The following CDH2 variants were observed in gnomAD, a reference collection of about 807,000 sequenced individuals.
CDH2 encodes cadherin-2.
A neutral mutation model predicts 92.0 loss-of-function variants in CDH2; 17 were observed. The observed-to-expected ratio is 0.18, with a 90% CI of 0.13 to 0.28. The LOEUF is 0.28. CDH2 is among the 10% of genes least tolerant of loss of function. The pLI is 1.00. For synonymous variants in CDH2, 419 were observed against 415.9 expected (o/e 1.01, Z -0.09); for missense variants, 862 against 1,133.1 (o/e 0.76, Z 3.44).
At chr18:28,041,699 C>G (rs2013951039) in intron 2 of CDH2, among the ~76,000 whole-genome samples, 1 of 152,106 alleles carries the variant, frequency 6.6e-6, no homozygotes, top group Admixed American at 6.5e-5. Context: ...ATGGGCCTGC[C>G]TCAACATTGT....
intron 2 of CDH2, among the ~76,000 whole-genome samples, chr18:28,042,845 G>A (rs889380679): frequency 3.9e-5 from 6 of 152,168 alleles, no homozygotes; most frequent in African/African-American, 1.2e-4. Flanking sequence ...TGGAAACTAG[G>A]CCTCATACAG....
chr18:28,009,910 T>C (rs148092501), intron 4 of CDH2, 38 bp from the exon 5 acceptor site: 1 of 1,541,120 alleles, frequency 6.5e-7, no homozygotes, highest in Admixed American at 1.8e-5. Flanking sequence ...AGTGAGAGAC[T>C]AAATGAGCTC....
At chr18:28,001,874 T>G (rs2012777627) in intron 7 of CDH2, among the ~76,000 whole-genome samples, 1 of 152,216 alleles carries the variant, frequency 6.6e-6, no homozygotes, top group Non-Finnish European at 1.5e-5. Context: ...GCAAATAAAG[T>G]GTCAAAAAAC....
intron 11 of CDH2, among the ~76,000 whole-genome samples, chr18:27,985,991 G>A (rs928905805): frequency 1.5e-4 from 23 of 152,114 alleles, no homozygotes; most frequent in African/African-American, 5.6e-4. Context: ...GCTGAGCAAG[G>A]TGACGAAGAA....
At chr18:28,155,897 G>A (rs2144343080) in intron 1 of CDH2, among the ~76,000 whole-genome samples, 1 of 152,288 alleles carries the variant, frequency 6.6e-6, no homozygotes, top group South Asian at 2.1e-4. Context: ...TTTTCTCTGT[G>A]TCAGTAATGC....
intron 2 of CDH2, among the ~76,000 whole-genome samples, chr18:28,030,116 T>A (rs575501969): frequency 1.3e-5 from 2 of 152,094 alleles, no homozygotes; most frequent in Non-Finnish European, 2.9e-5. Flanking sequence ...CTGAATTACA[T>A]CCTTTGCCTA....
chr18:28,017,714 T>C (rs2013292198), intron 2 of CDH2, among the ~76,000 whole-genome samples: 1 of 152,094 alleles, frequency 6.6e-6, no homozygotes, highest in Non-Finnish European at 1.5e-5. Flanking sequence ...AAATCTGGCA[T>C]CCCTTTATGA....
intron 1 of CDH2, among the ~76,000 whole-genome samples, chr18:28,174,782 C>G (rs933221497): frequency 3.9e-5 from 6 of 152,164 alleles, no homozygotes; most frequent in Non-Finnish European, 8.8e-5. Context: ...TCTTCGTGTC[C>G]TAACTTCGCT....
rs754438729 is a variant in CDH2 at position 28,005,916 on chromosome 18, C to T, written c.780G>A (p.Met260Ile). The change falls in exon 6 of 16, where the codon ATG becomes ATA. Residue 260 changes from methionine (M) to isoleucine (I), a missense_variant. Transcript: ENST00000269141. ...GTAAGAACTCAGGTCTGTTGTCATT[C>T]ATGTCAATAACATTGATGACAATGT... is the stretch of plus-strand genomic sequence containing the variant. ...PIDIVINVID[M>I]NDNRPEFLHQ... The T allele has an allele frequency of 1.9e-6, 3 of 1,609,202 alleles. No individual in the cohort carries two copies. Among genetic ancestry groups the T allele is most frequent in the Non-Finnish European group, 2.6e-6 (3 of 1,175,572 alleles).
At chr18:27,961,808 G>C (rs2011411990) in intron 15 of CDH2, among the ~76,000 whole-genome samples, 1 of 151,956 alleles carries the variant, frequency 6.6e-6, no homozygotes, top group Non-Finnish European at 1.5e-5. Flanking sequence ...CTTCAAAAAA[G>C]TATGGTTCCA....
intron 2 of CDH2, among the ~76,000 whole-genome samples, chr18:28,116,949 C>T (rs927879754): frequency 3.3e-5 from 5 of 152,002 alleles, no homozygotes; most frequent in Non-Finnish European, 7.4e-5. Flanking sequence ...ATTTTGTAGG[C>T]GGAGTAGGGT....
chr18:28,058,987 CTATT>C (rs2014349951), intron 2 of CDH2, among the ~76,000 whole-genome samples: 1 of 152,150 alleles, frequency 6.6e-6, no homozygotes, highest in Non-Finnish European at 1.5e-5. Context: ...TGTAGCTTAT[CTATT>C]TGATTTTAGT....
intron 6 of CDH2, among the ~76,000 whole-genome samples, chr18:27,940,669 T>C (rs1909114168): frequency 6.6e-6 from 1 of 152,208 alleles, no homozygotes; most frequent in Non-Finnish European, 1.5e-5. Flanking sequence ...TTTATTCACA[T>C]ATTGCATCTT....
At chr18:27,979,986 C>A (rs1171199638) in intron 14 of CDH2, among the ~76,000 whole-genome samples, 1 of 152,134 alleles carries the variant, frequency 6.6e-6, no homozygotes, top group Non-Finnish European at 1.5e-5. Flanking sequence ...AGTTCCCAAT[C>A]AAAGCTTTTT....
chr18:28,015,126 T>C (rs1419076808), intron 2 of CDH2, among the ~76,000 whole-genome samples: 2 of 152,144 alleles, frequency 1.3e-5, no homozygotes, highest in South Asian at 2.1e-4. Context: ...ACTGCACATA[T>C]AAGCTGCTGA....
At chr18:28,001,953 T>C (rs1045876637) in intron 7 of CDH2, among the ~76,000 whole-genome samples, 2 of 152,220 alleles carry the variant, frequency 1.3e-5, no homozygotes, top group African/African-American at 4.8e-5. Flanking sequence ...TTGACATACA[T>C]AATCTAAGTC....
In CDH2 at chr18:28,177,078, C is replaced by CGGCGGA. The variant is rs573262209; in HGVS notation, c.-62_-57dup. On this transcript the variant is annotated 5_prime_UTR_variant, in exon 1 of 16. Coordinates refer to ENST00000269141, the MANE Select transcript of CDH2 (RefSeq NM_001792.5). ...GAGGAGGCGGCGGCGGCGGCGGCGG[C>CGGCGGA]GGCGGAGGAGGAGGAGGCAGCGGCA... The CGGCGGA allele has an allele frequency of 2.3e-6, 3 of 1,300,464 alleles. No individual in the cohort carries two copies. Among genetic ancestry groups the CGGCGGA allele is most frequent in the South Asian group, 1.4e-5 (1 of 71,826 alleles). The allele number at this position is 1,300,464 out of a possible 1,614,324, so 80.6% of individuals were successfully genotyped here.
At chr18:27,998,195 T>C (rs1381400323) in intron 7 of CDH2, among the ~76,000 whole-genome samples, 2 of 152,200 alleles carry the variant, frequency 1.3e-5, no homozygotes, top group Non-Finnish European at 2.9e-5. Flanking sequence ...AATGTGGTCT[T>C]TCTTTTGTAT....
intron 4 of CDH2, among the ~76,000 whole-genome samples, chr18:28,010,346 C>A (rs553641178): frequency 6.6e-6 from 1 of 152,210 alleles, no homozygotes; most frequent in Non-Finnish European, 1.5e-5. Context: ...GAATGTCAGA[C>A]TTCTGTACTT....
Sources: allele counts gnomAD v4.1 joint callset (sites outside exome capture counted in the v4.1 genomes callset), GRCh38; gene constraint gnomAD v4.1.1; transcripts MANE v1.5; gene names NCBI Gene and HGNC (gene_info 2026-07-23, HGNC 2026-07-21).